SPATS2: variants seen among roughly 807,000 people sequenced by gnomAD.
SPATS2 encodes spermatogenesis-associated serine-rich protein 2.
In SPATS2, 38 loss-of-function variants were observed where a neutral mutation model predicts 63.7. That is an observed-to-expected ratio of 0.60 (90% CI 0.46 to 0.78). The LOEUF (loss-of-function observed/expected upper bound fraction) is 0.78. SPATS2 is among the 30% of genes least tolerant of loss of function. The pLI is 0.00. For synonymous variants in SPATS2, 207 were observed against 232.9 expected (o/e 0.89, Z 1.01); for missense variants, 588 against 666.2 (o/e 0.88, Z 1.29).
intron 2 of SPATS2, chr12:49,390,215 A>G (rs749348717): frequency 2.3e-5 from 24 of 1,048,640 alleles, no homozygotes; most frequent in Non-Finnish European, 3.1e-5. Flanking sequence ...TGGTCAAATA[A>G]GTGAATGAAT....
At chr12:49,514,521 T>A in intron 9 of SPATS2, 34 bp from the exon 10 acceptor site, 1 of 1,602,560 alleles carries the variant, frequency 6.2e-7, no homozygotes, top group Non-Finnish European at 8.5e-7. Context: ...GAGTTTCTGA[T>A]CAAACTTTTT....
chr12:49,375,149 TGTGTGTGTGTGTG>T (rs1944074228), intron 2 of SPATS2, among the ~76,000 whole-genome samples: 1 of 22,586 alleles, frequency 4.4e-5, no homozygotes, highest in Non-Finnish European at 1.5e-4. Flanking sequence ...GGAGTGTGTG[TGTGTGTGTGTGTG>T]TGTGTGTGTG....
rs188745211 is a variant in SPATS2, at chr12:49,458,332, G to T, written c.-243-2438G>T. Among the ~76,000 whole-genome samples the T allele has an allele frequency of 4.7e-3, 711 of 151,876 alleles. 2 individuals are homozygous for T. Among genetic ancestry groups the T allele is most frequent in the African/African-American group, 0.017 (687 of 41,400 alleles). On this transcript the variant is annotated intron_variant, in intron 2 of 13. Coordinates refer to ENST00000552918, the MANE Select transcript of SPATS2 (RefSeq NM_023071.4). ...AAAATACAAAAATTAGTCGGGTGTG[G>T]TGGCAGGTGCCTGTAGTCCCAGCTC...
chr12:49,482,799 T>C (rs901679324), intron 3 of SPATS2, among the ~76,000 whole-genome samples: 6 of 152,092 alleles, frequency 3.9e-5, no homozygotes, highest in African/African-American at 7.2e-5. Flanking sequence ...TGTTTTTTGT[T>C]TGTTTTTTGA....
At chr12:49,447,717 A>G (rs983404010) in intron 2 of SPATS2, among the ~76,000 whole-genome samples, 6 of 152,176 alleles carry the variant, frequency 3.9e-5, no homozygotes, top group Admixed American at 2.6e-4. Context: ...AAGTTTTTCT[A>G]GGAATTTGTT....
At chr12:49,525,816 GTCT>G in intron 13 of SPATS2, 125 bp from the exon 14 acceptor site, 1 of 1,016,170 alleles carries the variant, frequency 9.8e-7, no homozygotes, top group South Asian at 1.7e-5. Flanking sequence ...AATTCTTTGA[GTCT>G]TGAGAGATAA....
intron 9 of SPATS2, among the ~76,000 whole-genome samples, chr12:49,507,398 C>G (rs949214138): frequency 2.0e-5 from 3 of 152,170 alleles, no homozygotes; most frequent in African/African-American, 7.2e-5. Context: ...AGGGACCACA[C>G]ACAGTCTAGC....
At chr12:49,463,127 C>T (rs1238713836) in intron 3 of SPATS2, 7 of 151,590 alleles carry the variant, frequency 4.6e-5, no homozygotes, top group Admixed American at 1.3e-4. Flanking sequence ...CAACATAGGC[C>T]GGGTCTGGTG....
At chr12:49,406,299 T>A (rs75625868) in intron 2 of SPATS2, among the ~76,000 whole-genome samples, 2 of 151,494 alleles carry the variant, frequency 1.3e-5, no homozygotes, top group Non-Finnish European at 2.9e-5. Context: ...TTTTTTTTTT[T>A]AAAGACAGGG....
chr12:49,415,652 A>G (rs74088737), intron 2 of SPATS2, among the ~76,000 whole-genome samples: 7,085 of 152,228 alleles, frequency 0.047, 378 homozygotes, highest in African/African-American at 0.12. Flanking sequence ...TGGTTACCCA[A>G]TAAAATTCTT....
intron 2 of SPATS2, among the ~76,000 whole-genome samples, chr12:49,417,941 T>C (rs1290765244): frequency 2.0e-5 from 3 of 152,160 alleles, no homozygotes; most frequent in African/African-American, 7.2e-5. Flanking sequence ...AGTGCAGTGG[T>C]ATGATTTTGG....
At chr12:49,399,599 C>T (rs1291824226) in intron 2 of SPATS2, among the ~76,000 whole-genome samples, 2 of 152,198 alleles carry the variant, frequency 1.3e-5, no homozygotes, top group Non-Finnish European at 1.5e-5. Flanking sequence ...GGTCTGAATT[C>T]ACACTCCCTA....
intron 2 of SPATS2, among the ~76,000 whole-genome samples, chr12:49,393,224 AT>A (rs1944450707): frequency 6.6e-6 from 1 of 151,944 alleles, no homozygotes; most frequent in South Asian, 2.1e-4. Flanking sequence ...GATTATTAAA[AT>A]TTTTTCCATT....
chr12:49,494,990 C>G lies in SPATS2; in HGVS notation c.514C>G (p.Leu172Val), dbSNP rs1379931242. 2 of 1,602,142 alleles carry G rather than the reference C, an allele frequency of 1.2e-6. No homozygotes were observed. Among genetic ancestry groups the G allele is most frequent in the Non-Finnish European group, 1.7e-6 (2 of 1,174,638 alleles). The change falls in exon 7 of 14, where the codon CTG (leucine) becomes GTG (valine). Residue 172 changes from leucine (L) to valine (V), a missense_variant. By Grantham distance (32) the Leu-to-Val change is conservative. Transcript: ENST00000552918. Reference sequence around the variant, plus strand: ...TCCCGAGTCTGCCATGCTAGATACGCTGGATAGAACAGGTGAGTTTATTAA... The same window carrying G: ...TCCCGAGTCTGCCATGCTAGATACGGTGGATAGAACAGGTGAGTTTATTAA... The part of the protein sequence containing the change: ...EDPESAMLDT[L>V]DRTGSMLQNG...
chr12:49,472,146 G>A (rs1420523013), intron 3 of SPATS2, among the ~76,000 whole-genome samples: 1 of 151,480 alleles, frequency 6.6e-6, no homozygotes, highest in Non-Finnish European at 1.5e-5. Context: ...TCTCAAAAGC[G>A]CCCCCCAAAA....
intron 2 of SPATS2, among the ~76,000 whole-genome samples, chr12:49,395,033 A>G (rs1230702088): frequency 1.3e-5 from 2 of 151,810 alleles, no homozygotes; most frequent in Admixed American, 1.3e-4. Context: ...AGATCCCACC[A>G]CCGCACTCCA....
chr12:49,371,711 G>A (rs2137133969), intron 2 of SPATS2, among the ~76,000 whole-genome samples: 1 of 152,306 alleles, frequency 6.6e-6, no homozygotes, highest in South Asian at 2.1e-4. Flanking sequence ...CAAAGGGAAA[G>A]CAGGCATGTC....
intron 9 of SPATS2, among the ~76,000 whole-genome samples, chr12:49,513,922 C>T (rs539096424): frequency 2.0e-4 from 31 of 152,036 alleles, no homozygotes; most frequent in African/African-American, 6.0e-4. Context: ...TTTGGGAGGC[C>T]GAGGCGGGCG....
chr12:49,524,332 G>A (rs541587078), intron 12 of SPATS2, among the ~76,000 whole-genome samples: 2 of 152,214 alleles, frequency 1.3e-5, no homozygotes, highest in East Asian at 3.9e-4. Context: ...CTGAACATAT[G>A]GTCTGTACTA....
Sources: allele counts gnomAD v4.1 joint callset (sites outside exome capture counted in the v4.1 genomes callset), GRCh38; gene constraint gnomAD v4.1.1; transcripts MANE v1.5; gene names NCBI Gene and HGNC (gene_info 2026-07-23, HGNC 2026-07-21).